Variants in CTNNA3 observed in about 807,000 individuals in gnomAD.
The protein encoded by CTNNA3 is catenin alpha-3.
CTNNA3 carries 76 observed loss-of-function variants against 95.7 expected under a neutral mutation model. That is an observed-to-expected ratio of 0.79 (90% confidence interval 0.66 to 0.96). CTNNA3 has a LOEUF of 0.96. Ranked by LOEUF, CTNNA3 falls within the 40% of genes least tolerant of loss-of-function variation. The probability of loss-of-function intolerance (pLI) is 0.00; values close to 1 mark genes in which losing one functional copy is unlikely to be tolerated. For synonymous variants in CTNNA3, 431 were observed against 374.4 expected, an observed-to-expected ratio of 1.15 and a Z score of -1.74; for missense variants, 1,191 against 1,089.8, an observed-to-expected ratio of 1.09 and a Z score of -1.31.
At position 66,963,841 on chromosome 10, in the gene CTNNA3, A is replaced by G. The variant is rs553905000; in HGVS notation, c.1048-188317T>C. On this transcript the variant is annotated intron_variant, in intron 7 of 17. Coordinates refer to ENST00000433211, the MANE Select transcript of CTNNA3 (RefSeq NM_013266.4). ...TTTGTTGTTTTATCAGTGCATAGACATCAATTTTTTTTTTTTTTTTAAGAT... is the reference window on the plus strand; with the variant it reads ...TTTGTTGTTTTATCAGTGCATAGACGTCAATTTTTTTTTTTTTTTTAAGAT... Among the ~76,000 whole-genome samples, 440 of 108,232 alleles carry G rather than the reference A, an allele frequency of 4.1e-3. 3 individuals carry two copies. Among genetic ancestry groups the G allele is most frequent in the Non-Finnish European group, 7.1e-3 (367 of 51,560 alleles). 71.0% of individuals were successfully genotyped at this position (108,232 alleles called of 152,430 possible).
intron 13 of CTNNA3, among the ~76,000 whole-genome samples, chr10:66,250,162 A>G (rs2090492097): frequency 6.6e-6 from 1 of 152,202 alleles, no homozygotes; most frequent in African/African-American, 2.4e-5. Context: ...GAAATGAGTC[A>G]GGAATAGAAA....
At chr10:66,436,169 GT>G (rs2093336311) in intron 11 of CTNNA3, among the ~76,000 whole-genome samples, 1 of 152,142 alleles carries the variant, frequency 6.6e-6, no homozygotes, top group South Asian at 2.1e-4. Context: ...GAGGTGGAGA[GT>G]TTGGTAGATG....
intron 17 of CTNNA3, among the ~76,000 whole-genome samples, chr10:65,937,756 T>C (rs1445232367): frequency 1.3e-5 from 2 of 152,198 alleles, no homozygotes; most frequent in East Asian, 3.8e-4. Flanking sequence ...ACTCTAATTG[T>C]ACTTGATTGT....
chr10:66,375,479 T>C (rs889541403), intron 12 of CTNNA3, among the ~76,000 whole-genome samples: 1 of 152,114 alleles, frequency 6.6e-6, no homozygotes, highest in African/African-American at 2.4e-5. Context: ...ATACCTAGTA[T>C]GTAGACTACT....
intron 1 of CTNNA3, among the ~76,000 whole-genome samples, chr10:67,711,715 C>T (rs954519145): frequency 5.4e-5 from 8 of 147,544 alleles, no homozygotes; most frequent in Non-Finnish European, 9.0e-5. Context: ...GTATATCTCC[C>T]GATGCTATCC....
At chr10:66,597,167 G>A (rs1843738279) in intron 10 of CTNNA3, among the ~76,000 whole-genome samples, 1 of 151,804 alleles carries the variant, frequency 6.6e-6, no homozygotes, top group African/African-American at 2.4e-5. Flanking sequence ...GAAAGCCTAT[G>A]GGAATTATGG....
intron 13 of CTNNA3, among the ~76,000 whole-genome samples, chr10:66,112,766 C>T (rs1266201058): frequency 1.3e-5 from 2 of 151,938 alleles, no homozygotes; most frequent in Admixed American, 1.3e-4. Context: ...GAATAATGTC[C>T]CCAAGGTTCA....
chr10:67,726,640 A>AT (rs1841229450), intron 1 of CTNNA3, among the ~76,000 whole-genome samples: 6 of 82,626 alleles, frequency 7.3e-5, no homozygotes, highest in South Asian at 3.8e-4. Context: ...ATTATATATA[A>AT]TATATACTAT....
chr10:66,474,865 ACT>A (rs1839267557), intron 11 of CTNNA3, among the ~76,000 whole-genome samples: 2 of 148,778 alleles, frequency 1.3e-5, no homozygotes. Flanking sequence ...TTTTGGGAAA[ACT>A]CTTTCCAGAT....
chr10:66,391,755 A>C (rs978441442), intron 11 of CTNNA3, among the ~76,000 whole-genome samples: 29 of 152,122 alleles, frequency 1.9e-4, no homozygotes, highest in African/African-American at 6.8e-4. Flanking sequence ...TTTTTAAACA[A>C]GGCTTATCAT....
chr10:67,229,722 T>C (rs1865099433), intron 5 of CTNNA3, among the ~76,000 whole-genome samples: 1 of 151,842 alleles, frequency 6.6e-6, no homozygotes, highest in Non-Finnish European at 1.5e-5. Context: ...TTACAATTGC[T>C]GCAAAAAATA....
intron 13 of CTNNA3, among the ~76,000 whole-genome samples, chr10:66,196,406 A>C (rs1364215478): frequency 5.3e-5 from 8 of 152,194 alleles, no homozygotes; most frequent in Admixed American, 5.2e-4. Context: ...ATCTGGCCAC[A>C]ACTTCAGGAA....
intron 5 of CTNNA3, among the ~76,000 whole-genome samples, chr10:67,411,088 T>C (rs1845349285): frequency 2.0e-5 from 3 of 152,034 alleles, no homozygotes; most frequent in Admixed American, 2.0e-4. Context: ...GGTGAAAGGA[T>C]ACAAAATTTC....
chr10:67,640,805 T>C (rs902205427), intron 2 of CTNNA3, among the ~76,000 whole-genome samples: 5 of 152,126 alleles, frequency 3.3e-5, no homozygotes, highest in Admixed American at 1.3e-4. Flanking sequence ...TAGCCATATA[T>C]AGAAAGCTGA....
intron 13 of CTNNA3, among the ~76,000 whole-genome samples, chr10:66,175,761 C>T (rs2085673417): frequency 6.6e-6 from 1 of 152,120 alleles, no homozygotes; most frequent in Non-Finnish European, 1.5e-5. Context: ...ACTCAGGATT[C>T]ATTAACCATA....
intron 17 of CTNNA3, among the ~76,000 whole-genome samples, chr10:65,930,303 A>C (rs1000719464): frequency 6.6e-6 from 1 of 152,054 alleles, no homozygotes; most frequent in African/African-American, 2.4e-5. Flanking sequence ...AAAACTAAGA[A>C]GCCAAATGTA....
intron 7 of CTNNA3, among the ~76,000 whole-genome samples, chr10:67,131,984 A>G (rs981810612): frequency 1.6e-4 from 25 of 152,106 alleles, no homozygotes; most frequent in Non-Finnish European, 3.7e-4. Flanking sequence ...TGTGAAGGCC[A>G]ATGATTGGAA....
chr10:66,564,116 T>A (rs775377357), intron 10 of CTNNA3, among the ~76,000 whole-genome samples: 3 of 152,196 alleles, frequency 2.0e-5, no homozygotes, highest in Non-Finnish European at 4.4e-5. Context: ...CTGTCGCAGA[T>A]ATTTTGGGTT....
chr10:66,628,155 T>C (rs1845004180), intron 9 of CTNNA3, among the ~76,000 whole-genome samples: 1 of 152,176 alleles, frequency 6.6e-6, no homozygotes, highest in African/African-American at 2.4e-5. Context: ...GAAAATAGCA[T>C]TTCATCTATG....
Sources: allele counts gnomAD v4.1 joint callset (sites outside exome capture counted in the v4.1 genomes callset), GRCh38; gene constraint gnomAD v4.1.1; transcripts MANE v1.5; gene names NCBI Gene and HGNC (gene_info 2026-07-23, HGNC 2026-07-21).